Variants in RASGRP1 observed in about 807,000 individuals in gnomAD.
RASGRP1 encodes RAS guanyl releasing protein 1.
A neutral mutation model predicts 95.1 loss-of-function variants in RASGRP1; 37 were observed. The ratio of observed to expected loss-of-function variants is 0.39; its 90% CI spans 0.30 to 0.51. The LOEUF is 0.51. Ranked by LOEUF, RASGRP1 falls within the 20% of genes least tolerant of loss-of-function variation. RASGRP1 has a pLI of 0.80. For missense variants in RASGRP1, 711 were observed against 965.4 expected (o/e 0.74, Z 3.49); for synonymous variants, 325 against 353.4 (o/e 0.92, Z 0.90).
At position 38,490,108 on chromosome 15, in the gene RASGRP1, T is replaced by A. The variant is rs1890514188; in HGVS notation, c.*446A>T. ...AAAGTATGCTGGGATACAGAGGAAA[T>A]CTACTTTTGGAATATGGGTAGTTTT... On this transcript the variant is annotated 3_prime_UTR_variant, in exon 17 of 17. Coordinates refer to ENST00000310803, the MANE Select transcript of RASGRP1 (RefSeq NM_005739.4). 2 of 152,960 alleles carry A rather than the reference T, an allele frequency of 1.3e-5. No individual in the cohort carries two copies. Among genetic ancestry groups the A allele is most frequent in the South Asian group, 4.1e-4 (2 of 4,830 alleles). The allele number at this position is 152,960 out of a possible 1,614,324, so 9.5% of individuals were successfully genotyped here.
At chr15:38,547,192 CAT>C in intron 2 of RASGRP1, among the ~76,000 whole-genome samples, 1 of 152,144 alleles carries the variant, frequency 6.6e-6, no homozygotes, top group African/African-American at 2.4e-5. Context: ...TATATTTGCC[CAT>C]CTAACATTTA....
intron 2 of RASGRP1, among the ~76,000 whole-genome samples, chr15:38,543,648 C>T (rs868224052): frequency 1.8e-3 from 91 of 49,324 alleles, no homozygotes; most frequent in East Asian, 5.9e-3. Flanking sequence ...TTCTTTTTTT[C>T]TTTTTTTTTT....
intron 2 of RASGRP1, 41 bp from the exon 3 acceptor site, chr15:38,526,445 G>T: frequency 6.6e-7 from 1 of 1,509,276 alleles, no homozygotes. Context: ...GGCCCTGGAG[G>T]GAAACTAGTC....
intron 2 of RASGRP1, among the ~76,000 whole-genome samples, chr15:38,543,064 T>C (rs1310949743): frequency 6.6e-6 from 1 of 151,726 alleles, no homozygotes; most frequent in Non-Finnish European, 1.5e-5. Flanking sequence ...AAATATATTA[T>C]TTATGGTTAG....
At chr15:38,501,857 GTT>G (rs199551123) in intron 12 of RASGRP1, among the ~76,000 whole-genome samples, 6 of 140,888 alleles carry the variant, frequency 4.3e-5, no homozygotes, top group African/African-American at 5.2e-5. Context: ...TTCAGTTTTT[GTT>G]TTTTTTTTTT....
chr15:38,490,828 G>T (rs1890545884), intron 16 of RASGRP1, 140 bp from the exon 17 acceptor site: 2 of 905,316 alleles, frequency 2.2e-6, no homozygotes, highest in Non-Finnish European at 1.6e-6. Context: ...TAGTTATTTT[G>T]CCCTGAATAG....
chr15:38,515,910 A>AGTGTGTGTGT (rs1555401575), intron 6 of RASGRP1, among the ~76,000 whole-genome samples: 29 of 143,462 alleles, frequency 2.0e-4, no homozygotes, highest in African/African-American at 5.8e-4. Flanking sequence ...AGAGAGAGAG[A>AGTGTGTGTGT]GTGTGTGTGT....
intron 2 of RASGRP1, among the ~76,000 whole-genome samples, chr15:38,542,833 G>GTGTA (rs1566933311): frequency 8.6e-6 from 1 of 116,220 alleles, no homozygotes; most frequent in African/African-American, 3.7e-5. Context: ...ACATATATAT[G>GTGTA]TGTATATATA....
At chr15:38,534,323 T>A (rs1892553713) in intron 2 of RASGRP1, 1 of 150,108 alleles carries the variant, frequency 6.7e-6, no homozygotes, top group African/African-American at 2.5e-5. Context: ...GAAGCTCAGT[T>A]CCTTGTAAAG....
intron 10 of RASGRP1, chr15:38,503,578 GTGCTC>G (rs1404470869): frequency 1.0e-5 from 6 of 583,844 alleles, no homozygotes; most frequent in Non-Finnish European, 1.5e-5. Flanking sequence ...GGTTTCCAGA[GTGCTC>G]TTCACATACA....
At chr15:38,528,533 C>T (rs1892319848) in intron 2 of RASGRP1, among the ~76,000 whole-genome samples, 1 of 152,154 alleles carries the variant, frequency 6.6e-6, no homozygotes, top group African/African-American at 2.4e-5. Context: ...TTTCCTGGAA[C>T]ACTTTCTTCT....
At chr15:38,541,288 T>C (rs957273293) in intron 2 of RASGRP1, among the ~76,000 whole-genome samples, 6 of 152,280 alleles carry the variant, frequency 3.9e-5, no homozygotes, top group African/African-American at 1.4e-4. Context: ...TGAAGGGACA[T>C]GTGCCATGCT....
intron 2 of RASGRP1, among the ~76,000 whole-genome samples, chr15:38,538,306 C>T (rs981519098): frequency 6.6e-6 from 1 of 152,094 alleles, no homozygotes; most frequent in Non-Finnish European, 1.5e-5. Flanking sequence ...TCAGAACATC[C>T]TAAGTCATGA....
At chr15:38,530,724 C>T (rs996157083) in intron 2 of RASGRP1, among the ~76,000 whole-genome samples, 5 of 152,190 alleles carry the variant, frequency 3.3e-5, no homozygotes, top group Admixed American at 6.5e-5. Context: ...CCCATAGATA[C>T]TCATATGTGA....
intron 2 of RASGRP1, among the ~76,000 whole-genome samples, chr15:38,542,689 T>G (rs1892914579): frequency 6.6e-6 from 1 of 151,680 alleles, no homozygotes; most frequent in South Asian, 2.1e-4. Context: ...GGGGCTTGGT[T>G]AATTCTAATT....
intron 8 of RASGRP1, among the ~76,000 whole-genome samples, chr15:38,509,160 T>C (rs1452280965): frequency 6.6e-6 from 1 of 152,148 alleles, no homozygotes; most frequent in Non-Finnish European, 1.5e-5. Context: ...CCTCAGCATA[T>C]GATTTTTTTC....
At chr15:38,555,469 T>C (rs1893515714) in intron 2 of RASGRP1, among the ~76,000 whole-genome samples, 1 of 152,184 alleles carries the variant, frequency 6.6e-6, no homozygotes, top group African/African-American at 2.4e-5. Flanking sequence ...CTATGTGGCA[T>C]GCAGGTCTCC....
In RASGRP1 at chr15:38,516,493, C is replaced by T. The variant is rs148240485; in HGVS notation, c.522-143G>A. 4.6e-5 allele frequency: 49 copies of T among 1,068,432 alleles called. 1 individual carries two copies. The African/African-American group carries it at 7.2e-4, about 16-fold the overall frequency. 66.2% of individuals were successfully genotyped at this position (1,068,432 alleles called of 1,614,324 possible). A position where few individuals can be genotyped will look rare whatever the true frequency, so the allele number is the denominator to read the frequency against. ...TGTGAATGCCAAAACAGTGCATTCACAGAGTTTCTCCAAATCAGTTTTTTT... is the reference window on the plus strand; with the variant it reads ...TGTGAATGCCAAAACAGTGCATTCATAGAGTTTCTCCAAATCAGTTTTTTT... On this transcript the variant is annotated intron_variant, in intron 5 of 16. Coordinates refer to ENST00000310803, the MANE Select transcript of RASGRP1 (RefSeq NM_005739.4).
In RASGRP1 at chr15:38,507,724, A is replaced by G; in HGVS notation, c.1242+2T>C. On this transcript the variant is annotated splice_donor_variant, in intron 9 of 16. Transcript: ENST00000310803. LOFTEE classifies it high-confidence loss of function. ...GTAATTGTCCTCCAGTGTGAGCCTC[A>G]CCGTCAGCAAGTGTACCAAGTCCTT... 1.3e-6 allele frequency: 2 copies of G among 1,558,142 alleles called. No individual in the cohort carries two copies. The highest frequency in any genetic ancestry group is 1.7e-6 in the Non-Finnish European group (2 of 1,150,286).
Sources: gnomAD v4.1 joint callset for allele counts (sites outside exome capture counted in the v4.1 genomes callset) on GRCh38, gnomAD v4.1.1 for gene constraint, MANE v1.5 for transcripts, NCBI Gene and HGNC (gene_info 2026-07-23, HGNC 2026-07-21) for gene names.